The following PDE2A variants were observed in gnomAD, a reference collection of about 807,000 sequenced individuals.
PDE2A encodes the protein cGMP-dependent 3',5'-cyclic phosphodiesterase.
Under a neutral mutation model 133.6 loss-of-function variants are expected in PDE2A, and 53 were observed. The ratio of observed to expected loss-of-function variants is 0.40; its 90% CI spans 0.32 to 0.50. The LOEUF is 0.50. PDE2A is among the 20% of genes least tolerant of loss of function. The probability of loss-of-function intolerance (pLI) is 0.73; values close to 1 mark genes in which losing one functional copy is unlikely to be tolerated. For missense variants in PDE2A, 796 were observed against 1,232.4 expected (o/e 0.65, Z 5.30); for synonymous variants, 491 against 490.2 (o/e 1.00, Z -0.02).
rs562147731 is a variant in PDE2A at position 72,652,168 on chromosome 11, G to T, written c.72-9842C>A. Reference sequence around the variant, plus strand: ...GGACCCCAATGTAGCTCCCTACCCAGCAGCCCCAAATGCTAGAGGAGAAAT... The same window carrying T: ...GGACCCCAATGTAGCTCCCTACCCATCAGCCCCAAATGCTAGAGGAGAAAT... On this transcript the variant is annotated intron_variant, in intron 1 of 30. Coordinates refer to ENST00000334456, the MANE Select transcript of PDE2A (RefSeq NM_002599.5). Among the ~76,000 whole-genome samples, 148 of 152,352 alleles carry T rather than the reference G, an allele frequency of 9.7e-4. 1 individual carries two copies. Among genetic ancestry groups the T allele is most frequent in the Non-Finnish European group, 1.8e-3 (122 of 68,024 alleles).
intron 1 of PDE2A, among the ~76,000 whole-genome samples, chr11:72,656,729 CT>C (rs1854911619): frequency 6.6e-6 from 1 of 152,014 alleles, no homozygotes; most frequent in East Asian, 1.9e-4. Flanking sequence ...GCCAGCAAGT[CT>C]GGGGCAAGAG....
chr11:72,631,198 G>C (rs1431485620), intron 2 of PDE2A: 12 of 1,387,972 alleles, frequency 8.6e-6, no homozygotes, highest in African/African-American at 1.5e-5. Context: ...CTTCTCCCCA[G>C]ACTGTCCTCC....
intron 2 of PDE2A, among the ~76,000 whole-genome samples, chr11:72,641,438 C>T (rs1195389384): frequency 2.6e-5 from 4 of 152,116 alleles, no homozygotes; most frequent in Non-Finnish European, 5.9e-5. Context: ...CAGAAAGAGA[C>T]CCCAAAACGA....
At chr11:72,587,410 C>A (rs916440388) in intron 13 of PDE2A, among the ~76,000 whole-genome samples, 1 of 152,240 alleles carries the variant, frequency 6.6e-6, no homozygotes, top group African/African-American at 2.4e-5. Flanking sequence ...CTCATGCAGT[C>A]ATTCAACACT....
Position 72,579,261 on chromosome 11 carries a change from G to A in PDE2A, c.2356+23C>T, listed in dbSNP as rs1314004960. On this transcript the variant is annotated intron_variant, in intron 27 of 30. Coordinates refer to ENST00000334456, the MANE Select transcript of PDE2A (RefSeq NM_002599.5). Reference sequence around the variant, plus strand: ...CCTGGTTGTTCCTCCCCAGCCCCAAGGACTGGGGCTAACAGCAGTCACCCT... The same window carrying A: ...CCTGGTTGTTCCTCCCCAGCCCCAAAGACTGGGGCTAACAGCAGTCACCCT... The A allele has an allele frequency of 5.2e-6, 8 of 1,544,270 alleles. No individual in the cohort carries two copies. The Admixed American group carries it at 1.3e-4, about 26-fold the overall frequency.
At chr11:72,650,839 T>C (rs341038) in intron 1 of PDE2A, among the ~76,000 whole-genome samples, 90,877 of 146,956 alleles carry the variant, frequency 0.62, 28,281 homozygotes, top group Middle Eastern at 0.79. Flanking sequence ...GTGCCTCAGG[T>C]TAGAGTCAGT....
At chr11:72,609,762 G>A (rs1380972985) in intron 2 of PDE2A, among the ~76,000 whole-genome samples, 1 of 152,052 alleles carries the variant, frequency 6.6e-6, no homozygotes, top group African/African-American at 2.4e-5. Flanking sequence ...CTTCCCAGTG[G>A]AAGGTTGGGT....
At chr11:72,582,749 C>T (rs538629260) in intron 20 of PDE2A, among the ~76,000 whole-genome samples, 183 bp from the exon 21 acceptor site, 45 of 152,290 alleles carry the variant, frequency 3.0e-4, no homozygotes, top group African/African-American at 1.0e-3. Flanking sequence ...CAGCCCACCC[C>T]GCGCGCCTCC....
chr11:72,603,152 G>A (rs557652107), intron 4 of PDE2A, among the ~76,000 whole-genome samples: 2 of 152,286 alleles, frequency 1.3e-5, no homozygotes, highest in South Asian at 4.1e-4. Context: ...GGAGGTCCTT[G>A]CTGTCCTCAC....
intron 1 of PDE2A, among the ~76,000 whole-genome samples, chr11:72,663,511 C>T (rs1439407409): frequency 6.6e-6 from 1 of 152,062 alleles, no homozygotes; most frequent in African/African-American, 2.4e-5. Context: ...GGCAGATCAC[C>T]TGAGGGCAGG....
At chr11:72,617,883 T>C (rs1857553364) in intron 2 of PDE2A, among the ~76,000 whole-genome samples, 1 of 152,180 alleles carries the variant, frequency 6.6e-6, no homozygotes, top group Non-Finnish European at 1.5e-5. Context: ...ACTTTTATTG[T>C]TCCTAAAAAT....
chr11:72,606,312 G>A (rs1371880330), intron 3 of PDE2A, among the ~76,000 whole-genome samples: 6 of 152,168 alleles, frequency 3.9e-5, no homozygotes, highest in African/African-American at 1.2e-4. Context: ...GTATCCTGGA[G>A]GGCTTTGGGA....
At chr11:72,637,394 G>A (rs1056071956) in intron 2 of PDE2A, among the ~76,000 whole-genome samples, 2 of 152,252 alleles carry the variant, frequency 1.3e-5, no homozygotes, top group Admixed American at 1.3e-4. Context: ...CCTGCATCCT[G>A]CTCATCTCTT....
intron 19 of PDE2A, 63 bp downstream of exon 19, chr11:72,584,138 C>T: frequency 1.2e-6 from 1 of 848,464 alleles, no homozygotes; most frequent in South Asian, 1.5e-5. Flanking sequence ...GGAGGAGAAC[C>T]GAGGGTCCTT....
intron 2 of PDE2A, among the ~76,000 whole-genome samples, chr11:72,611,761 A>G (rs770007937): frequency 1.3e-5 from 2 of 152,214 alleles, no homozygotes; most frequent in Non-Finnish European, 2.9e-5. Context: ...TGTTGGGTGC[A>G]GGAACTGCAG....
intron 1 of PDE2A, among the ~76,000 whole-genome samples, chr11:72,655,687 T>A (rs1854879053): frequency 6.6e-6 from 1 of 152,002 alleles, no homozygotes. Context: ...ATCTCTACAG[T>A]GGAGTGATGA....
At chr11:72,612,598 T>C (rs1178505573) in intron 2 of PDE2A, among the ~76,000 whole-genome samples, 2 of 151,936 alleles carry the variant, frequency 1.3e-5, no homozygotes, top group African/African-American at 4.8e-5. Context: ...TATAGTTCTA[T>C]GGTTTAATTC....
chr11:72,665,550 A>G (rs7951461), intron 1 of PDE2A, among the ~76,000 whole-genome samples: 513 of 152,188 alleles, frequency 3.4e-3, no homozygotes, highest in Non-Finnish European at 5.9e-3. Context: ...TGTGGACTCA[A>G]TCCTCCCCAG....
At chr11:72,624,580 C>T (rs1591090459) in intron 2 of PDE2A, among the ~76,000 whole-genome samples, 1 of 152,332 alleles carries the variant, frequency 6.6e-6, no homozygotes, top group East Asian at 1.9e-4. Context: ...GAGCCACAGA[C>T]TCAGGACCAT....
Sources: gnomAD v4.1 joint callset for allele counts (sites outside exome capture counted in the v4.1 genomes callset) on GRCh38, gnomAD v4.1.1 for gene constraint, MANE v1.5 for transcripts, NCBI Gene and HGNC (gene_info 2026-07-23, HGNC 2026-07-21) for gene names.